The following TMEM150C variants were observed in gnomAD, a reference collection of about 807,000 sequenced individuals.
The protein encoded by TMEM150C is transmembrane protein 150C.
Under a neutral mutation model 29.9 loss-of-function variants are expected in TMEM150C, and 10 were observed. The ratio of observed to expected loss-of-function variants is 0.33; its 90% CI spans 0.21 to 0.57. The LOEUF is 0.57. Ranked by LOEUF, TMEM150C falls within the 20% of genes least tolerant of loss-of-function variation. The pLI is 0.88. For synonymous variants in TMEM150C, 101 were observed against 112.5 expected, an observed-to-expected ratio of 0.90 and a Z score of 0.64; for missense variants, 251 against 303.6, an observed-to-expected ratio of 0.83 and a Z score of 1.29.
intron 1 of TMEM150C, among the ~76,000 whole-genome samples, chr4:82,513,321 A>G (rs1259536008): frequency 6.6e-6 from 1 of 152,168 alleles, no homozygotes; most frequent in East Asian, 1.9e-4. Flanking sequence ...ACCTCCAGCA[A>G]ACTCCAGCAG....
chr4:82,493,366 T>C (rs1467015302), intron 6 of TMEM150C, among the ~76,000 whole-genome samples: 1 of 152,122 alleles, frequency 6.6e-6, no homozygotes, highest in Non-Finnish European at 1.5e-5. Context: ...TTATTATTAA[T>C]CTTTAAAAAA....
intron 1 of TMEM150C, among the ~76,000 whole-genome samples, chr4:82,521,018 C>T (rs1724466703): frequency 6.6e-6 from 1 of 152,214 alleles, no homozygotes; most frequent in African/African-American, 2.4e-5. Flanking sequence ...GCATCAGACA[C>T]CTCCCTGCAC....
chr4:82,507,414 T>C (rs1723961554), intron 1 of TMEM150C, among the ~76,000 whole-genome samples: 1 of 152,174 alleles, frequency 6.6e-6, no homozygotes, highest in Non-Finnish European at 1.5e-5. Context: ...GGCATCAAGC[T>C]ACAATAGCTT....
chr4:82,485,908 T>C (rs1201848528), intron 7 of TMEM150C, among the ~76,000 whole-genome samples, 189 bp from the exon 8 acceptor site: 1 of 152,198 alleles, frequency 6.6e-6, no homozygotes, highest in African/African-American at 2.4e-5. Flanking sequence ...TCATATTTGG[T>C]GGTAGACATG....
chr4:82,557,773 G>A (rs1725782451), intron 1 of TMEM150C, among the ~76,000 whole-genome samples: 2 of 137,328 alleles, frequency 1.5e-5, no homozygotes, highest in Middle Eastern at 4.1e-3. Flanking sequence ...TAGCTCTGTC[G>A]CCCAGGCTGG....
intron 1 of TMEM150C, among the ~76,000 whole-genome samples, chr4:82,551,268 T>A (rs111409086): frequency 6.6e-6 from 1 of 152,158 alleles, no homozygotes; most frequent in Non-Finnish European, 1.5e-5. Flanking sequence ...TTTTTCTCCA[T>A]AGCACATACA....
At chr4:82,557,299 C>T (rs1311422279) in intron 1 of TMEM150C, among the ~76,000 whole-genome samples, 2 of 152,056 alleles carry the variant, frequency 1.3e-5, no homozygotes, top group Non-Finnish European at 2.9e-5. Flanking sequence ...GGGTTTGAAA[C>T]CTAAGAGAAA....
At chr4:82,498,248 C>T (rs1723619889) in intron 5 of TMEM150C, among the ~76,000 whole-genome samples, 1 of 151,942 alleles carries the variant, frequency 6.6e-6, no homozygotes, top group African/African-American at 2.4e-5. Flanking sequence ...CTCCTGACCT[C>T]AGGTGATCTG....
rs1349740999 is a variant in TMEM150C, at chr4:82,485,685, A to G, written c.576T>C (p.Tyr192=). ...FILMAQSIHM[Y]AARVQWGLVM... is the part of the protein sequence containing the mutation. ...CCAGGCCCCACTGGACCCTGGCTGC[A>G]TACATGTGGATGCTTTGGGCCATGA... Residue 192 remains tyrosine (Y), a synonymous_variant, in exon 8 of 8, where the codon TAT becomes TAC. Coordinates refer to ENST00000449862, the MANE Select transcript of TMEM150C (RefSeq NM_001080506.3). The G allele has an allele frequency of 1.2e-6, 2 of 1,608,994 alleles. No individual in the cohort carries two copies.
At chr4:82,540,123 T>C (rs1408690946) in intron 1 of TMEM150C, among the ~76,000 whole-genome samples, 1 of 57,488 alleles carries the variant, frequency 1.7e-5, no homozygotes, top group African/African-American at 2.2e-4. Context: ...TCTTTTTTTT[T>C]TTTTTTTTTT....
intron 5 of TMEM150C, among the ~76,000 whole-genome samples, chr4:82,497,777 A>G (rs4693448): frequency 0.14 from 21,917 of 152,176 alleles, 3,132 homozygotes; most frequent in African/African-American, 0.34. Context: ...AACAATGACA[A>G]TAACAATCCT....
intron 6 of TMEM150C, chr4:82,494,812 G>C: frequency 4.5e-6 from 1 of 221,322 alleles, no homozygotes; most frequent in South Asian, 5.7e-5. Flanking sequence ...TTGTGAGTCT[G>C]ATCTTATTTG....
At chr4:82,527,405 T>A (rs1724691095) in intron 1 of TMEM150C, among the ~76,000 whole-genome samples, 1 of 152,170 alleles carries the variant, frequency 6.6e-6, no homozygotes, top group African/African-American at 2.4e-5. Flanking sequence ...GTGTGGGGCA[T>A]CTGCTGGGCC....
At chr4:82,535,758 G>C (rs1724983047) in intron 1 of TMEM150C, among the ~76,000 whole-genome samples, 1 of 152,202 alleles carries the variant, frequency 6.6e-6, no homozygotes, top group Non-Finnish European at 1.5e-5. Context: ...ATGCATTAAA[G>C]AATATCTAAT....
At chr4:82,489,990 GTTC>G in intron 7 of TMEM150C, 68 bp downstream of exon 7, 1 of 1,451,656 alleles carries the variant, frequency 6.9e-7, no homozygotes, top group East Asian at 2.3e-5. Context: ...AACCCACTGG[GTTC>G]TTCTACAGAG....
chr4:82,496,342 A>G, intron 5 of TMEM150C, 147 bp from the exon 6 acceptor site: 1 of 699,322 alleles, frequency 1.4e-6, no homozygotes, highest in Non-Finnish European at 2.3e-6. Flanking sequence ...GCAAAATTAA[A>G]CTTTTCACCA....
At chr4:82,495,479 GC>G in intron 6 of TMEM150C, 2 of 355,914 alleles carry the variant, frequency 5.6e-6, no homozygotes, top group South Asian at 2.6e-5. Flanking sequence ...GCTCTTTTAG[GC>G]CCCAGGTGAC....
chr4:82,493,609 C>A (rs1256445854), intron 6 of TMEM150C, among the ~76,000 whole-genome samples: 1 of 152,098 alleles, frequency 6.6e-6, no homozygotes, highest in Non-Finnish European at 1.5e-5. Flanking sequence ...TTTTCTAGGA[C>A]TTTTGTAAAG....
chr4:82,503,151 G>T, intron 2 of TMEM150C, 39 bp from the exon 3 acceptor site: 1 of 1,426,294 alleles, frequency 7.0e-7, no homozygotes, highest in East Asian at 2.3e-5. Flanking sequence ...AAAGAAATTG[G>T]AAAAAAGAAT....
Sources: gnomAD v4.1 joint callset for allele counts (sites outside exome capture counted in the v4.1 genomes callset) on GRCh38, gnomAD v4.1.1 for gene constraint, MANE v1.5 for transcripts, NCBI Gene and HGNC (gene_info 2026-07-23, HGNC 2026-07-21) for gene names.